Variants in GJB7 observed in about 807,000 individuals in gnomAD.
GJB7 encodes gap junction beta-7 protein.
For synonymous variants in GJB7, 87 were observed against 95.2 expected, an observed-to-expected ratio of 0.91 and a Z score of 0.50; for missense variants, 253 against 256.8, an observed-to-expected ratio of 0.99 and a Z score of 0.10.
At chr6:87,328,728 A>G (rs1194928976) in intron 1 of GJB7, among the ~76,000 whole-genome samples, 2 of 152,298 alleles carry the variant, frequency 1.3e-5, no homozygotes, top group African/African-American at 2.4e-5. Context: ...CTGCCCCCAG[A>G]GGTGGAGCCT....
Position 87,284,428 on chromosome 6 carries a change from C to CT in GJB7, c.484_485insA (p.Cys162Ter), listed in dbSNP as rs761092292. 8 of 1,613,976 alleles carry CT rather than the reference C, an allele frequency of 5.0e-6. No individual in the cohort carries two copies. The South Asian group carries it at 8.8e-5, about 18-fold the overall frequency. The change falls in exon 3 of 3, where the codon TGT (cysteine) becomes TAGT (stop). Residue 162 changes from cysteine to a stop codon, truncating the protein, a stop_gained and frameshift_variant. Coordinates refer to ENST00000525899, the MANE Select transcript of GJB7 (RefSeq NM_198568.3). LOFTEE classifies it low-confidence loss of function (END_TRUNC). Reference protein sequence around the residue: ...PYLIKCDLKPCPNTVDCFISK... With the variant: ...PYLIKCDLKP ...GATGAAGCAGTCCACAGTGTTGGGACAAGGCTTCAAATCACACTTTATAAG... is the reference window on the plus strand; with the variant it reads ...GATGAAGCAGTCCACAGTGTTGGGACTAAGGCTTCAAATCACACTTTATAAG...
intron 2 of GJB7, among the ~76,000 whole-genome samples, chr6:87,297,983 T>C (rs17453321): frequency 2.6e-5 from 4 of 152,150 alleles, no homozygotes; most frequent in African/African-American, 7.2e-5. Context: ...TTTGAACAAC[T>C]CTGTCACCAG....
chr6:87,309,295 G>A (rs1361859540), intron 2 of GJB7, among the ~76,000 whole-genome samples: 1 of 152,192 alleles, frequency 6.6e-6, no homozygotes, highest in Non-Finnish European at 1.5e-5. Flanking sequence ...GGATACCCTT[G>A]TCACCAAGGT....
At chr6:87,325,412 A>C (rs967255519) in intron 1 of GJB7, among the ~76,000 whole-genome samples, 1 of 147,312 alleles carries the variant, frequency 6.8e-6, no homozygotes, top group African/African-American at 2.6e-5. Flanking sequence ...TTTGTCATAG[A>C]TAGCTCTTAT....
At position 87,298,956 on chromosome 6, in the gene GJB7, A is replaced by G. The variant is rs1340671559; in HGVS notation, c.-27-14017T>C. 6 of 453,708 alleles carry G rather than the reference A, an allele frequency of 1.3e-5. No homozygotes were observed. In the East Asian group the frequency reaches 3.4e-4, roughly 26 times the overall value. The allele number at this position is 453,708 out of a possible 1,614,324, so 28.1% of individuals were successfully genotyped here. A position where few individuals can be genotyped will look rare whatever the true frequency, so the allele number is the denominator to read the frequency against. On this transcript the variant is annotated intron_variant, in intron 2 of 2. Transcript: ENST00000525899. ...TAGGGCCAAAAACAATGATTGATCA[A>G]CTGGGGAAGTTCTAAAGTAACAAAA...
rs964087163 is a variant in GJB7, at chr6:87,305,125, T to A, written c.-28+17741A>T. On this transcript the variant is annotated intron_variant, in intron 2 of 2. Coordinates refer to ENST00000525899, the MANE Select transcript of GJB7 (RefSeq NM_198568.3). ...CTTTGAAAACTGGCATAAGATAGGT[T>A]TGCCCTCTCTCACCACTCCTATTCA... Among the ~76,000 whole-genome samples the A allele has an allele frequency of 3.9e-5, 6 of 152,168 alleles. No homozygotes were observed. In the South Asian group the frequency reaches 6.2e-4, roughly 16 times the overall value.
chr6:87,305,286 C>G (rs1776406035), intron 2 of GJB7, among the ~76,000 whole-genome samples: 2 of 152,080 alleles, frequency 1.3e-5, no homozygotes, highest in Middle Eastern at 3.4e-3. Flanking sequence ...CCCATTGTCT[C>G]AGCCCAAAAT....
intron 1 of GJB7, among the ~76,000 whole-genome samples, chr6:87,326,060 G>A (rs1272939109): frequency 6.6e-6 from 1 of 152,206 alleles, no homozygotes; most frequent in African/African-American, 2.4e-5. Flanking sequence ...GCATAGAGCT[G>A]TTTGTAGTAT....
Position 87,292,646 on chromosome 6 carries a change from AAAATT to A in GJB7, c.-27-7712_-27-7708del, listed in dbSNP as rs149305426. ...ACCATTTCTAGGCATGAGATCATCT[AAAATT>A]AAAGATATGTAGAAATGAAAACAAA... On this transcript the variant is annotated intron_variant, in intron 2 of 2. Transcript: ENST00000525899. Among the ~76,000 whole-genome samples the A allele has an allele frequency of 5.7e-3, 861 of 152,330 alleles. 8 individuals carry two copies. The highest frequency in any genetic ancestry group is 0.02 in the African/African-American group (824 of 41,574).
chr6:87,284,989 A>T (rs1373851945), intron 2 of GJB7, 50 bp from the exon 3 acceptor site: 3 of 1,176,494 alleles, frequency 2.5e-6, no homozygotes, highest in Non-Finnish European at 1.2e-6. Flanking sequence ...TATTCTACAG[A>T]TCGTTTCTAC....
chr6:87,320,028 T>TG (rs1246691859), intron 2 of GJB7, among the ~76,000 whole-genome samples: 1 of 151,706 alleles, frequency 6.6e-6, no homozygotes, highest in Non-Finnish European at 1.5e-5. Context: ...GTAGTGGGGA[T>TG]GGGGGGAGTG....
At chr6:87,297,038 A>G (rs946126141) in intron 2 of GJB7, among the ~76,000 whole-genome samples, 6 of 152,236 alleles carry the variant, frequency 3.9e-5, no homozygotes, top group Admixed American at 3.3e-4. Context: ...TAAAATCTGC[A>G]AATACATTTT....
chr6:87,326,058 C>G (rs1196791832), intron 1 of GJB7, among the ~76,000 whole-genome samples: 1 of 152,074 alleles, frequency 6.6e-6, no homozygotes, highest in Admixed American at 6.6e-5. Flanking sequence ...TTGCATAGAG[C>G]TGTTTGTAGT....
At chr6:87,323,947 CTT>C (rs746305069) in intron 1 of GJB7, among the ~76,000 whole-genome samples, 3 of 151,672 alleles carry the variant, frequency 2.0e-5, no homozygotes, top group Non-Finnish European at 4.4e-5. Flanking sequence ...TGTTTCCTGA[CTT>C]TTTAATGATT....
intron 2 of GJB7, chr6:87,300,431 TG>T: frequency 4.0e-6 from 1 of 247,698 alleles, no homozygotes; most frequent in Non-Finnish European, 8.8e-6. Flanking sequence ...GTGGGTGGAA[TG>T]GGAGGTGAGA....
At chr6:87,316,984 A>T (rs889731598) in intron 2 of GJB7, among the ~76,000 whole-genome samples, 1 of 152,038 alleles carries the variant, frequency 6.6e-6, no homozygotes, top group African/African-American at 2.4e-5. Flanking sequence ...GCCACATACC[A>T]TCCTCTGTGT....
At chr6:87,325,696 A>G (rs1357046593) in intron 1 of GJB7, among the ~76,000 whole-genome samples, 1 of 152,022 alleles carries the variant, frequency 6.6e-6, no homozygotes, top group Non-Finnish European at 1.5e-5. Context: ...TTTTGCATCA[A>G]TGTTCATCAA....
chr6:87,312,584 A>C (rs1326073028), intron 2 of GJB7, among the ~76,000 whole-genome samples: 2 of 152,210 alleles, frequency 1.3e-5, no homozygotes, highest in Admixed American at 6.5e-5. Context: ...TTATGCCTTA[A>C]GTATGTTGTT....
chr6:87,320,334 A>T (rs1776638087), intron 2 of GJB7, among the ~76,000 whole-genome samples: 1 of 152,188 alleles, frequency 6.6e-6, no homozygotes, highest in South Asian at 2.1e-4. Flanking sequence ...CCTCAAATCA[A>T]ATGTGAAGTT....
Sources: allele counts gnomAD v4.1 joint callset (sites outside exome capture counted in the v4.1 genomes callset), GRCh38; gene constraint gnomAD v4.1.1; transcripts MANE v1.5; gene names NCBI Gene and HGNC (gene_info 2026-07-23, HGNC 2026-07-21).